The following CDK18 variants were observed in gnomAD, a reference collection of about 807,000 sequenced individuals.
CDK18 encodes cyclin-dependent kinase 18.
In CDK18, 52 loss-of-function variants were observed where a neutral mutation model predicts 62.0. That is an observed-to-expected ratio of 0.84 (90% CI 0.67 to 1.06). The LOEUF (loss-of-function observed/expected upper bound fraction) is 1.06. CDK18 is among the 50% of genes least tolerant of loss of function. The pLI is 0.00. For synonymous variants in CDK18, 237 were observed against 247.0 expected (o/e 0.96, Z 0.38); for missense variants, 604 against 619.9 (o/e 0.97, Z 0.27).
chr1:205,526,076 C>T lies in CDK18; in HGVS notation c.468C>T (p.Ala156=). Residue 156 remains alanine, a synonymous_variant, in exon 6 of 16, where the codon GCC becomes GCT. Transcript: ENST00000429964. ...GCCCTCCATCCCAGGGCACCTATGC[C>T]ACAGTCTTCAAAGGGCGCAGCAAAC... ...KLDKLGEGTY[A]TVFKGRSKLT... 1 of 1,612,756 alleles carries T rather than the reference C, an allele frequency of 6.2e-7. No homozygotes were observed. The highest frequency in any genetic ancestry group is 8.5e-7 in the Non-Finnish European group (1 of 1,179,392).
At chr1:205,530,778 G>A in intron 15 of CDK18, 73 bp downstream of exon 15, 2 of 1,213,118 alleles carry the variant, frequency 1.6e-6, no homozygotes, top group South Asian at 1.2e-5. Flanking sequence ...TCCCCAGTGG[G>A]GACTCCCATG....
Position 205,530,315 on chromosome 1 carries a change from GTC to G in CDK18, c.1282_1283del (p.Leu428GlyfsTer8), listed in dbSNP as rs1668673129. ...EAALSHSYFR[S>X]LGERVHQLED... ...CTGCCCTGAGTCACTCCTACTTCCGGTCTCTGGGAGAGCGTGTGCACCAGCTT... is the reference window on the plus strand; with the variant it reads ...CTGCCCTGAGTCACTCCTACTTCCGGTCTGGGAGAGCGTGTGCACCAGCTT... On this transcript the variant is annotated frameshift_variant, in exon 14 of 16. Transcript: ENST00000429964. LOFTEE classifies it high-confidence loss of function. The G allele has an allele frequency of 1.2e-6, 2 of 1,613,156 alleles. No individual in the cohort carries two copies. Among genetic ancestry groups the G allele is most frequent in the Admixed American group, 1.7e-5 (1 of 60,006 alleles).
At chr1:205,529,488 G>A (rs1429314932) in intron 12 of CDK18, 33 bp from the exon 13 acceptor site, 1 of 1,610,038 alleles carries the variant, frequency 6.2e-7, no homozygotes, top group East Asian at 2.2e-5. Flanking sequence ...TCCCCAATCA[G>A]GCACAGCCTG....
In CDK18 at chr1:205,529,583, G is replaced by T. The variant is rs1407779860; in HGVS notation, c.1221+20G>T. On this transcript the variant is annotated intron_variant, in intron 13 of 15. Coordinates refer to ENST00000429964, the MANE Select transcript of CDK18 (RefSeq NM_212502.3). The stretch of plus-strand genomic sequence containing the variant: ...CTCCTGGTGAGTGTCCTCCCGGCGG[G>T]GCCCAGGGAGAGGCAGCCAAAGAGC... 1.2e-6 allele frequency: 2 copies of T among 1,613,484 alleles called. No homozygotes were observed. Among genetic ancestry groups the T allele is most frequent in the Non-Finnish European group, 1.7e-6 (2 of 1,179,982 alleles).
intron 1 of CDK18, among the ~76,000 whole-genome samples, chr1:205,509,566 A>C (rs1390849103): frequency 1.3e-5 from 2 of 152,174 alleles, no homozygotes; most frequent in Admixed American, 6.5e-5. Flanking sequence ...TAGGAGGATA[A>C]TACTATTATC....
Position 205,527,329 on chromosome 1 carries a change from A to G in CDK18, c.730-465A>G, listed in dbSNP as rs56378870. The G allele has an allele frequency of 0.035, 7,328 of 209,804 alleles. 564 individuals carry two copies. The highest frequency in any genetic ancestry group is 0.16 in the African/African-American group (6,841 of 42,864). 13.0% of individuals were successfully genotyped at this position (209,804 alleles called of 1,614,324 possible). On this transcript the variant is annotated intron_variant, in intron 8 of 15. Coordinates refer to ENST00000429964, the MANE Select transcript of CDK18 (RefSeq NM_212502.3). This position sits in a 1 kb window ranked among gnomAD's most constrained non-coding sequence, Gnocchi z 4.1. ...CCTCATCTCTACTAAAAATTGAAAA[A>G]TTAGCCGGGCACAGTAGCGTGCACC...
chr1:205,518,907 C>A (rs1667969597), intron 1 of CDK18, among the ~76,000 whole-genome samples: 1 of 152,184 alleles, frequency 6.6e-6, no homozygotes. Flanking sequence ...CTTACCTGGG[C>A]AGGGAGGTGG....
In CDK18 at chr1:205,530,682, G is replaced by C. The variant is rs575337018; in HGVS notation, c.1367G>C (p.Arg456Pro). 1.9e-6 allele frequency: 3 copies of C among 1,613,812 alleles called. No individual in the cohort carries two copies. The highest frequency in any genetic ancestry group is 1.7e-5 in the Admixed American group (1 of 60,024). The part of the protein sequence containing the change: ...EIQLQKDPGY[R>P]GLAFQQPGRG... ...CAGCTCCAGAAGGACCCAGGCTACC[G>C]AGGCTTGGCCTTCCAGCAGCCAGGT... The change falls in exon 15 of 16, where the codon CGA becomes CCA. Residue 456 changes from arginine to proline, a missense_variant. Coordinates refer to ENST00000429964, the MANE Select transcript of CDK18 (RefSeq NM_212502.3).
chr1:205,529,841 A>C, intron 13 of CDK18: 1 of 1,348,630 alleles, frequency 7.4e-7, no homozygotes, highest in Non-Finnish European at 9.9e-7. Flanking sequence ...AAGTGGGATT[A>C]ATACCTATTT....
At chr1:205,508,620 G>A (rs566972308) in intron 1 of CDK18, among the ~76,000 whole-genome samples, 3 of 152,306 alleles carry the variant, frequency 2.0e-5, no homozygotes, top group South Asian at 2.1e-4. Context: ...GGAGGTGGGC[G>A]GATTGCTTGA....
chr1:205,528,208 C>A lies in CDK18; in HGVS notation c.974+40C>A. On this transcript the variant is annotated intron_variant, in intron 10 of 15. Coordinates refer to ENST00000429964, the MANE Select transcript of CDK18 (RefSeq NM_212502.3). This position sits in a 1 kb window ranked among gnomAD's most constrained non-coding sequence, Gnocchi z 4.2. ...TGGGGACCGAGGAGGGGAGGACAGGCCTGGCCACACCTCCAGACTCTCCTT... is the reference window on the plus strand; with the variant it reads ...TGGGGACCGAGGAGGGGAGGACAGGACTGGCCACACCTCCAGACTCTCCTT... 1.9e-6 allele frequency: 3 copies of A among 1,606,420 alleles called. No individual in the cohort carries two copies. The highest frequency in any genetic ancestry group is 2.6e-6 in the Non-Finnish European group (3 of 1,175,756).
chr1:205,530,414 C>A, intron 14 of CDK18, 65 bp downstream of exon 14: 2 of 1,503,672 alleles, frequency 1.3e-6, no homozygotes, highest in Non-Finnish European at 9.2e-7. Context: ...TGAGTGTGGG[C>A]AGAAGAACCA....
intron 14 of CDK18, 119 bp from the exon 15 acceptor site, chr1:205,530,508 AG>A: frequency 1.7e-6 from 2 of 1,206,496 alleles, no homozygotes; most frequent in Non-Finnish European, 1.2e-6. Flanking sequence ...TTCCAAATTG[AG>A]GGGGCAAACA....
chr1:205,507,902 G>A (rs910469658), intron 1 of CDK18, among the ~76,000 whole-genome samples: 1 of 152,174 alleles, frequency 6.6e-6, no homozygotes, highest in Non-Finnish European at 1.5e-5. Context: ...GGAATGGGTT[G>A]GATGGAAATC....
Position 205,529,035 on chromosome 1 carries a change from G to A in CDK18, c.1011G>A (p.Gly337=), listed in dbSNP as rs2102321019. ...VGCIHYEMAT[G]RPLFPGSTVK... The stretch of plus-strand genomic sequence containing the variant: ...GCATCCACTACGAGATGGCCACAGG[G>A]AGGCCCCTCTTCCCGGGCTCCACAG... The change falls in exon 11 of 16, where the codon GGG becomes GGA. Residue 337 remains glycine (G), a synonymous_variant. Coordinates refer to ENST00000429964, the MANE Select transcript of CDK18 (RefSeq NM_212502.3). The A allele has an allele frequency of 1.3e-6, 2 of 1,597,208 alleles. No homozygotes were observed. The highest frequency in any genetic ancestry group is 1.7e-4 in the Middle Eastern group (1 of 6,016).
Position 205,529,107 on chromosome 1 carries a change from C to A in CDK18, c.1072+11C>A. On this transcript the variant is annotated intron_variant, in intron 11 of 15. Coordinates refer to ENST00000429964, the MANE Select transcript of CDK18 (RefSeq NM_212502.3). ...TCTTTCGCCTCCTCGGTCAGTCTCC[C>A]GCTGCTCCGTCCCTCTCACCACCAG... The A allele has an allele frequency of 6.4e-7, 1 of 1,562,566 alleles. No homozygotes were observed. The highest frequency in any genetic ancestry group is 2.4e-5 in the East Asian group (1 of 42,340).
chr1:205,519,175 G>C (rs1667987994), intron 1 of CDK18, among the ~76,000 whole-genome samples: 2 of 152,194 alleles, frequency 1.3e-5, no homozygotes, highest in African/African-American at 4.8e-5. Flanking sequence ...GTGAGGGGTA[G>C]ATAGCACTAA....
chr1:205,527,099 C>T lies in CDK18; in HGVS notation c.729+262C>T. ...CAACTCTGAACATCAGTTTCCCAGT[C>T]TGTCAAATGGGAGTGTGAGCTACCT... On this transcript the variant is annotated intron_variant, in intron 8 of 15. Coordinates refer to ENST00000429964, the MANE Select transcript of CDK18 (RefSeq NM_212502.3). This position sits in a 1 kb window ranked among gnomAD's most constrained non-coding sequence, Gnocchi z 4.1. 1 of 490,018 alleles carries T rather than the reference C, an allele frequency of 2.0e-6. No homozygotes were observed. The highest frequency in any genetic ancestry group is 3.2e-5 in the South Asian group (1 of 30,988). 30.4% of individuals were successfully genotyped at this position (490,018 alleles called of 1,614,324 possible).
At chr1:205,530,782 T>A (rs1184429116) in intron 15 of CDK18, 77 bp downstream of exon 15, 3 of 1,154,710 alleles carry the variant, frequency 2.6e-6, no homozygotes, top group Non-Finnish European at 3.9e-6. Flanking sequence ...CAGTGGGGAC[T>A]CCCATGGTCC....
Sources: allele counts gnomAD v4.1 joint callset (sites outside exome capture counted in the v4.1 genomes callset), GRCh38; gene constraint gnomAD v4.1.1; non-coding constraint Gnocchi (gnomAD v3.1); transcripts MANE v1.5; gene names NCBI Gene and HGNC (gene_info 2026-07-23, HGNC 2026-07-21).